MCPH1: variants seen among roughly 807,000 people sequenced by gnomAD.
MCPH1 encodes the protein microcephalin.
MCPH1 carries 104 observed loss-of-function variants against 84.5 expected under a neutral mutation model. The ratio of observed to expected loss-of-function variants is 1.23; its 90% CI spans 1.05 to 1.45. MCPH1 has a LOEUF of 1.45. MCPH1 is among the 40% of genes most tolerant of loss of function. The pLI is 0.00. For synonymous variants in MCPH1, 514 were observed against 366.8 expected (o/e 1.40, Z -4.58); for missense variants, 1,498 against 1,005.7 (o/e 1.49, Z -6.62).
chr8:6,519,846 G>T, intron 12 of MCPH1: 1 of 1,612,816 alleles, frequency 6.2e-7, no homozygotes. Flanking sequence ...AGTTAGTAAG[G>T]GGAGACGAAT....
In MCPH1 at chr8:6,621,522, G is replaced by C; in HGVS notation, c.2283G>C (p.Ala761=). ...GAACCCTCTTTGCCGACCAGCCAGC[G>C]ATGTTTGTCTCGCCTGCCAGCAGCC... ...YRGTLFADQP[A]MFVSPASSPP... Residue 761 remains alanine, a synonymous_variant, in exon 13 of 14, where the codon GCG becomes GCC. Coordinates refer to ENST00000344683, the MANE Select transcript of MCPH1 (RefSeq NM_024596.5). 6.2e-7 allele frequency: 1 copy of C among 1,614,150 alleles called. No homozygotes were observed. The highest frequency in any genetic ancestry group is 8.5e-7 in the Non-Finnish European group (1 of 1,180,016).
intron 6 of MCPH1, among the ~76,000 whole-genome samples, chr8:6,439,561 G>GT (rs1457643719): frequency 4.0e-5 from 6 of 150,708 alleles, no homozygotes; most frequent in African/African-American, 7.3e-5. Flanking sequence ...ATTTTTTTTT[G>GT]TTTTTTTGTA....
chr8:6,508,191 T>C (rs1393522182), intron 12 of MCPH1: 1 of 152,290 alleles, frequency 6.6e-6, no homozygotes, highest in Non-Finnish European at 1.5e-5. Flanking sequence ...GGCTCACACC[T>C]GTAATCTCAA....
At chr8:6,574,113 A>C (rs1462126267) in intron 12 of MCPH1, among the ~76,000 whole-genome samples, 1 of 152,262 alleles carries the variant, frequency 6.6e-6, no homozygotes, top group Non-Finnish European at 1.5e-5. Flanking sequence ...TAGTAAAAAC[A>C]GACCAGCCAA....
chr8:6,593,335 G>A (rs189241990), intron 12 of MCPH1, among the ~76,000 whole-genome samples: 12 of 151,688 alleles, frequency 7.9e-5, no homozygotes, highest in Non-Finnish European at 1.5e-4. Flanking sequence ...CGCCCACCTC[G>A]GCCTCCCAAC....
chr8:6,446,757 A>G, intron 8 of MCPH1: 1 of 985,370 alleles, frequency 1.0e-6, no homozygotes, highest in Non-Finnish European at 1.2e-6. Context: ...TAATAATGAC[A>G]TGGAAATGTA....
chr8:6,420,987 G>C (rs1273279875), intron 3 of MCPH1, among the ~76,000 whole-genome samples: 1 of 152,188 alleles, frequency 6.6e-6, no homozygotes, highest in Non-Finnish European at 1.5e-5. Flanking sequence ...AGGCGGGCAT[G>C]GAGGTCTAAT....
chr8:6,525,063 G>C (rs955705417), intron 12 of MCPH1, among the ~76,000 whole-genome samples: 1 of 152,200 alleles, frequency 6.6e-6, no homozygotes, highest in Non-Finnish European at 1.5e-5. Context: ...CTTTTAGTTC[G>C]AATGATCTGG....
At chr8:6,576,757 A>G (rs1026379058) in intron 12 of MCPH1, among the ~76,000 whole-genome samples, 2 of 117,280 alleles carry the variant, frequency 1.7e-5, no homozygotes, top group East Asian at 2.8e-4. Context: ...CATATTGGTC[A>G]GGGTGGTCTC....
chr8:6,424,654 CA>C (rs770418645), intron 3 of MCPH1, among the ~76,000 whole-genome samples: 2 of 152,358 alleles, frequency 1.3e-5, no homozygotes, highest in Non-Finnish European at 2.9e-5. Flanking sequence ...CCTAATATCA[CA>C]TCAATGTGTA....
chr8:6,476,573 C>T (rs191698731), intron 9 of MCPH1, among the ~76,000 whole-genome samples: 43 of 152,078 alleles, frequency 2.8e-4, no homozygotes, highest in African/African-American at 6.0e-4. Flanking sequence ...AGCAGACAAA[C>T]GAAAAATACT....
At chr8:6,539,617 C>A (rs1428450556) in intron 12 of MCPH1, among the ~76,000 whole-genome samples, 1 of 152,072 alleles carries the variant, frequency 6.6e-6, no homozygotes, top group East Asian at 1.9e-4. Context: ...GATGGAGTCT[C>A]GCTCTGTCTC....
chr8:6,520,816 T>C (rs1224995075), intron 12 of MCPH1, among the ~76,000 whole-genome samples: 1 of 152,214 alleles, frequency 6.6e-6, no homozygotes, highest in Non-Finnish European at 1.5e-5. Context: ...TATTATCTCA[T>C]TTAATCTTAA....
At chr8:6,562,461 C>T (rs1825677481) in intron 12 of MCPH1, among the ~76,000 whole-genome samples, 1 of 151,132 alleles carries the variant, frequency 6.6e-6, no homozygotes, top group South Asian at 2.1e-4. Flanking sequence ...CGGGGACTAC[C>T]CACACACCCT....
chr8:6,493,941 T>A (rs1466362647), intron 11 of MCPH1, among the ~76,000 whole-genome samples: 1 of 11,112 alleles, frequency 9.0e-5, no homozygotes, highest in Non-Finnish European at 6.4e-3. Context: ...AAATAGTAAA[T>A]TTTTTTTTTT....
intron 13 of MCPH1, among the ~76,000 whole-genome samples, chr8:6,637,248 C>A (rs180703921): frequency 6.6e-6 from 1 of 152,290 alleles, no homozygotes; most frequent in Non-Finnish European, 1.5e-5. Flanking sequence ...CAAACAATTT[C>A]TTTAAAAATC....
At chr8:6,639,099 T>C (rs529514515) in intron 13 of MCPH1, among the ~76,000 whole-genome samples, 2 of 152,328 alleles carry the variant, frequency 1.3e-5, no homozygotes, top group Admixed American at 1.3e-4. Context: ...AGATCGATAC[T>C]TCTGGCAGCC....
At chr8:6,429,282 T>A (rs1801498936) in intron 3 of MCPH1, among the ~76,000 whole-genome samples, 1 of 152,192 alleles carries the variant, frequency 6.6e-6, no homozygotes, top group South Asian at 2.1e-4. Flanking sequence ...AGGCTCCACT[T>A]ATGTGAACAT....
At chr8:6,500,498 TATTC>T (rs1469493982) in intron 12 of MCPH1, 3 of 154,528 alleles carry the variant, frequency 1.9e-5, no homozygotes, top group African/African-American at 7.2e-5. Context: ...TGTCACAGTT[TATTC>T]ATTCAAAAGA....
Sources: gnomAD v4.1 joint callset for allele counts (sites outside exome capture counted in the v4.1 genomes callset) on GRCh38, gnomAD v4.1.1 for gene constraint, MANE v1.5 for transcripts, NCBI Gene and HGNC (gene_info 2026-07-23, HGNC 2026-07-21) for gene names.